ASPM: variants seen among roughly 807,000 people sequenced by gnomAD.
The protein encoded by ASPM is assembly factor for spindle microtubules.
ASPM carries 256 observed loss-of-function variants against 366.4 expected under a neutral mutation model. That is an observed-to-expected ratio of 0.70 (90% CI 0.63 to 0.77). ASPM has a LOEUF of 0.77. Among genes scored for constraint, ASPM ranks in the 30% least tolerant of loss-of-function variants. The pLI is 0.00. For missense variants in ASPM, 4,146 were observed against 4,090.4 expected, an observed-to-expected ratio of 1.01 and a Z score of -0.37; for synonymous variants, 1,414 against 1,342.9, an observed-to-expected ratio of 1.05 and a Z score of -1.16.
rs746174818 is a variant in ASPM at position 197,096,154 on chromosome 1, C to T, written c.8831G>A (p.Arg2944Lys). 1 of 1,602,834 alleles carries T rather than the reference C, an allele frequency of 6.2e-7. No individual in the cohort carries two copies. Among genetic ancestry groups the T allele is most frequent in the Non-Finnish European group, 8.5e-7 (1 of 1,171,672 alleles). Reference sequence around the variant, plus strand: ...TAAATATTTCTTGGCTCTATATCTCCTCCACATAGCCTATTAAATACATAA... The same window carrying T: ...TAAATATTTCTTGGCTCTATATCTCTTCCACATAGCCTATTAAATACATAA... ...NSTIKIQAMW[R>K]RYRAKKYLCK... The change falls in exon 19 of 28, where the codon AGG (arginine) becomes AAG (lysine). Residue 2944 changes from arginine to lysine, a missense_variant. Coordinates refer to ENST00000367409, the MANE Select transcript of ASPM (RefSeq NM_018136.5).
intron 18 of ASPM, among the ~76,000 whole-genome samples, chr1:197,098,034 C>T (rs1657035986): frequency 6.7e-6 from 1 of 149,454 alleles, no homozygotes; most frequent in Admixed American, 6.7e-5. Context: ...ACACATCACA[C>T]CTGAAGAACA....
chr1:197,133,258 C>T, intron 6 of ASPM, 92 bp downstream of exon 6: 1 of 1,366,114 alleles, frequency 7.3e-7, no homozygotes, highest in South Asian at 1.4e-5. Flanking sequence ...TTTTACCTGT[C>T]AATTATATGT....
At chr1:197,131,153 T>G (rs562588392) in intron 7 of ASPM, among the ~76,000 whole-genome samples, 1 of 152,296 alleles carries the variant, frequency 6.6e-6, no homozygotes, top group African/African-American at 2.4e-5. Context: ...ACAGTAAGCT[T>G]ATTATTTATT....
chr1:197,085,981 A>G (rs1238879495), intron 27 of ASPM, among the ~76,000 whole-genome samples: 1 of 152,174 alleles, frequency 6.6e-6, no homozygotes, highest in Admixed American at 6.5e-5. Context: ...AAACATAATG[A>G]ATATTAAATT....
chr1:197,093,152 G>A lies in ASPM; in HGVS notation c.9194C>T (p.Ala3065Val), dbSNP rs747960081. The change falls in exon 21 of 28, where the codon GCC becomes GTC. Residue 3065 changes from alanine (A) to valine (V), a missense_variant. Physicochemically the swap from Ala to Val is moderately conservative, Grantham distance 64 (BLOSUM62 0). Coordinates refer to ENST00000367409, the MANE Select transcript of ASPM (RefSeq NM_018136.5). ...CCTTTCATGCTTTCCAGCCTCCCTG[G>A]CTCGTATATATTTTTGTATGATCAA... The part of the protein sequence containing the change: ...AALIIQKYIR[A>V]REAGKHERIK... 1 of 1,612,118 alleles carries A rather than the reference G, an allele frequency of 6.2e-7. No homozygotes were observed. The highest frequency in any genetic ancestry group is 8.5e-7 in the Non-Finnish European group (1 of 1,178,730).
chr1:197,140,429 C>T lies in ASPM; in HGVS notation c.1922-558G>A, dbSNP rs184221296. Among the ~76,000 whole-genome samples the T allele has an allele frequency of 2.4e-4, 36 of 152,342 alleles. 3 individuals carry two copies. The East Asian group carries it at 6.9e-3, about 29-fold the overall frequency. ...TTCAAAATAATAGTGGCAGCTAATACTTAAATACTTTGTGCCAGGCACTAT... is the reference window on the plus strand; with the variant it reads ...TTCAAAATAATAGTGGCAGCTAATATTTAAATACTTTGTGCCAGGCACTAT... On this transcript the variant is annotated intron_variant, in intron 3 of 27. Transcript: ENST00000367409.
Position 197,102,559 on chromosome 1 carries a change from A to G in ASPM, c.6692T>C (p.Ile2231Thr), listed in dbSNP as rs758638550. 4.3e-6 allele frequency: 7 copies of G among 1,612,060 alleles called. No individual in the cohort carries two copies. Among genetic ancestry groups the G allele is most frequent in the Non-Finnish European group, 5.1e-6 (6 of 1,178,970 alleles). Residue 2231 changes from isoleucine (I) to threonine (T), a missense_variant, in exon 18 of 28, where the codon ATA becomes ACA. By Grantham distance (89) the Ile-to-Thr change is moderately conservative. Around this residue, in one of 3 missense-constraint regions of ASPM, gnomAD observed 3,624 missense variants for 3,591.7 expected, o/e 1.01. Transcript: ENST00000367409. Reference protein sequence around the residue: ...QRYWAMKERNIQFQRYNKLRH... With the variant: ...QRYWAMKERNTQFQRYNKLRH... ...CAGTTTGTTATACCTTTGAAATTGTATGTTTCTTTCTTTCATTGCCCAGTA... is the reference window on the plus strand; with the variant it reads ...CAGTTTGTTATACCTTTGAAATTGTGTGTTTCTTTCTTTCATTGCCCAGTA...
At chr1:197,125,018 A>G (rs368681254) in intron 11 of ASPM, 28 bp downstream of exon 11, 121 of 1,612,084 alleles carry the variant, frequency 7.5e-5, no homozygotes, top group Non-Finnish European at 7.5e-5. Context: ...AGTGAGGAGA[A>G]TAAGTTTTAC....
rs563858170 is a variant in ASPM, at chr1:197,143,319, G to A, written c.933C>T (p.Ser311=). 6.2e-7 allele frequency: 1 copy of A among 1,613,808 alleles called. No individual in the cohort carries two copies. Among genetic ancestry groups the A allele is most frequent in the Non-Finnish European group, 8.5e-7 (1 of 1,179,768 alleles). The change falls in exon 3 of 28, where the codon AGC becomes AGT. Residue 311 remains serine (S), a synonymous_variant. Coordinates refer to ENST00000367409, the MANE Select transcript of ASPM (RefSeq NM_018136.5). The part of the protein sequence containing the change: ...NCSSTLNITQ[S]QIHFLSPDSF... ...AATCTGGACTTAGAAAATGTATTTG[G>A]CTTTGTGTAATGTTCAAAGTTGAAG...
Position 197,090,385 on chromosome 1 carries a change from A to G in ASPM, c.9640T>C (p.Leu3214=). The change falls in exon 24 of 28, where the codon TTA becomes CTA. Residue 3214 remains leucine, a synonymous_variant. Coordinates refer to ENST00000367409, the MANE Select transcript of ASPM (RefSeq NM_018136.5). The part of the protein sequence containing the change: ...FTSGIIKIQA[L]WRGYSWRKKN... Reference sequence around the variant, plus strand: ...TTCCTCCAAGAATAGCCTCTCCATAATGCCTTAAAGAGATAAAACAGAGTA... The same window carrying G: ...TTCCTCCAAGAATAGCCTCTCCATAGTGCCTTAAAGAGATAAAACAGAGTA... 1 of 1,604,784 alleles carries G rather than the reference A, an allele frequency of 6.2e-7. No individual in the cohort carries two copies. The highest frequency in any genetic ancestry group is 1.1e-5 in the South Asian group (1 of 90,734).
At position 197,142,748 on chromosome 1, in the gene ASPM, C is replaced by T. The variant is rs1658631410; in HGVS notation, c.1504G>A (p.Ala502Thr). The T allele has an allele frequency of 1.2e-6, 2 of 1,613,782 alleles. No homozygotes were observed. Among genetic ancestry groups the T allele is most frequent in the Non-Finnish European group, 1.7e-6 (2 of 1,179,862 alleles). The change falls in exon 3 of 28, where the codon GCC (alanine) becomes ACC (threonine). Residue 502 changes from alanine (A) to threonine (T), a missense_variant. By Grantham distance (58) the Ala-to-Thr change is moderately conservative. Transcript: ENST00000367409. ...ILSATVTKRK[A>T]TCTRENQTEI... The stretch of plus-strand genomic sequence containing the variant: ...GTTTGGTTTTCTCTGGTACAGGTGG[C>T]CTTCCTTTTAGTAACAGTGGCAGAA...
chr1:197,130,695 T>G (rs1658230623), intron 7 of ASPM, among the ~76,000 whole-genome samples: 1 of 152,192 alleles, frequency 6.6e-6, no homozygotes, highest in Admixed American at 6.5e-5. Context: ...ATTTACTTTT[T>G]TTGGCCTTTG....
chr1:197,088,580 A>C, intron 25 of ASPM, 148 bp from the exon 26 acceptor site: 1 of 625,332 alleles, frequency 1.6e-6, no homozygotes, highest in East Asian at 2.7e-5. Context: ...TTTGTGAAAT[A>C]GCTTTGATAT....
chr1:197,129,925 C>A lies in ASPM; in HGVS notation c.2619G>T (p.Leu873=). Residue 873 remains leucine, a synonymous_variant, in exon 8 of 28, where the codon CTG becomes CTT. Coordinates refer to ENST00000367409, the MANE Select transcript of ASPM (RefSeq NM_018136.5). ...AEYRHPTVPH[L]YRDGHEEALS... is the part of the protein sequence containing the mutation. ...GGCAGAGATACTTACCATCTCTATA[C>A]AGGTGAGGAACAGTGGGGTGTCTAT... 6.2e-7 allele frequency: 1 copy of A among 1,613,658 alleles called. No individual in the cohort carries two copies. Among genetic ancestry groups the A allele is most frequent in the Non-Finnish European group, 8.5e-7 (1 of 1,179,650 alleles).
rs374543021 is a variant in ASPM at position 197,091,898 on chromosome 1, G to T, written c.9444+9C>A. On this transcript the variant is annotated intron_variant, in intron 22 of 27. Transcript: ENST00000367409. ...TATCATATAGTTTTACTGCAAAGAA[G>T]AAGCAAACCTGAATACAGATGACTG... The T allele has an allele frequency of 1.4e-5, 22 of 1,608,852 alleles. No individual in the cohort carries two copies. The highest frequency in any genetic ancestry group is 1.9e-5 in the Non-Finnish European group (22 of 1,177,816).
rs548708212 is a variant in ASPM at position 197,102,535 on chromosome 1, A to G, written c.6716T>C (p.Leu2239Pro). The G allele has an allele frequency of 7.6e-5, 122 of 1,612,474 alleles. 4 individuals carry two copies. The South Asian group carries it at 1.3e-3, about 17-fold the overall frequency. The stretch of plus-strand genomic sequence containing the variant: ...CTGAATGTATATTACAGAATGCCTC[A>G]GTTTGTTATACCTTTGAAATTGTAT... ...RNIQFQRYNK[L>P]RHSVIYIQAI... The change falls in exon 18 of 28, where the codon CTG becomes CCG. Residue 2239 changes from leucine (L) to proline (P), a missense_variant. Around this residue, in one of 3 missense-constraint regions of ASPM, gnomAD observed 3,624 missense variants for 3,591.7 expected, o/e 1.01. Transcript: ENST00000367409.
chr1:197,100,720 T>G lies in ASPM; in HGVS notation c.8531A>C (p.Gln2844Pro). ...ETQKCAALRI[Q>P]FFLQMAVYRR... ...ATACACAGCCATCTGAAGGAAGAAC[T>G]GAATCCGTAGGGCAGCACATTTCTG... The change falls in exon 18 of 28, where the codon CAG (glutamine) becomes CCG (proline). Residue 2844 changes from glutamine (Q) to proline (P), a missense_variant. Around this residue, in one of 3 missense-constraint regions of ASPM, gnomAD observed 3,624 missense variants for 3,591.7 expected, o/e 1.01. Coordinates refer to ENST00000367409, the MANE Select transcript of ASPM (RefSeq NM_018136.5). 6.2e-7 allele frequency: 1 copy of G among 1,612,494 alleles called. No individual in the cohort carries two copies. Among genetic ancestry groups the G allele is most frequent in the Non-Finnish European group, 8.5e-7 (1 of 1,179,072 alleles).
Position 197,133,403 on chromosome 1 carries a change from A to G in ASPM, c.2366T>C (p.Ile789Thr), listed in dbSNP as rs1259209878. Residue 789 changes from isoleucine (I) to threonine (T), a missense_variant, in exon 6 of 28, where the codon ATT (isoleucine) becomes ACT (threonine). Physicochemically the swap from Ile to Thr is moderately conservative, Grantham distance 89. This residue lies in a region of ASPM where 3,624 missense variants were observed against 3,591.7 expected (regional missense o/e 1.01). Transcript: ENST00000367409. Reference protein sequence around the residue: ...VKAIKKLEIEIEARRLIVRKD... With the variant: ...VKAIKKLEIETEARRLIVRKD... Reference sequence around the variant, plus strand: ...TCGAACAATTAACCGCCTAGCTTCAATTTCAATTTCAAGCTTTTTAATAGC... The same window carrying G: ...TCGAACAATTAACCGCCTAGCTTCAGTTTCAATTTCAAGCTTTTTAATAGC... The G allele has an allele frequency of 2.1e-5, 34 of 1,613,850 alleles. No homozygotes were observed. The highest frequency in any genetic ancestry group is 2.9e-5 in the Non-Finnish European group (34 of 1,179,946).
At chr1:197,132,202 C>T in intron 7 of ASPM, 83 bp downstream of exon 7, 1 of 1,103,992 alleles carries the variant, frequency 9.1e-7, no homozygotes, top group Non-Finnish European at 1.3e-6. Context: ...ATAAGTAAAA[C>T]TACATTGTAA....
Sources: allele counts gnomAD v4.1 joint callset (sites outside exome capture counted in the v4.1 genomes callset), GRCh38; gene constraint gnomAD v4.1.1; regional missense constraint gnomAD v4.1.1; transcripts MANE v1.5; gene names NCBI Gene and HGNC (gene_info 2026-07-23, HGNC 2026-07-21).